Variants in CHPT1 observed in about 807,000 individuals in gnomAD.
The protein encoded by CHPT1 is choline phosphotransferase 1.
A neutral mutation model predicts 47.6 loss-of-function variants in CHPT1; 36 were observed. The ratio of observed to expected loss-of-function variants is 0.76; its 90% CI spans 0.58 to 1.00. CHPT1 has a LOEUF of 1.00. CHPT1 is among the 50% of genes least tolerant of loss of function. CHPT1 has a pLI of 0.00. For missense variants in CHPT1, 458 were observed against 498.1 expected, an observed-to-expected ratio of 0.92 and a Z score of 0.77; for synonymous variants, 194 against 186.3, an observed-to-expected ratio of 1.04 and a Z score of -0.33.
intron 4 of CHPT1, among the ~76,000 whole-genome samples, chr12:101,717,996 T>C (rs759964459): frequency 3.3e-5 from 5 of 152,172 alleles, no homozygotes; most frequent in Admixed American, 6.5e-5. Flanking sequence ...CCTTAAATGT[T>C]TGTTACTAAG....
At chr12:101,718,757 T>A (rs1035782904) in intron 4 of CHPT1, among the ~76,000 whole-genome samples, 3 of 151,962 alleles carry the variant, frequency 2.0e-5, no homozygotes, top group Non-Finnish European at 2.9e-5. Flanking sequence ...ACTTTGGGCA[T>A]GTTTTTAAGT....
At chr12:101,716,996 A>G (rs965320033) in intron 4 of CHPT1, among the ~76,000 whole-genome samples, 184 bp downstream of exon 4, 11 of 151,464 alleles carry the variant, frequency 7.3e-5, no homozygotes, top group African/African-American at 2.2e-4. Flanking sequence ...GTATTATCCT[A>G]TATACCTTAT....
rs533090379 is a variant in CHPT1 at position 101,699,829 on chromosome 12, G to A, written c.273+1695G>A. 4.6e-5 allele frequency among the ~76,000 whole-genome samples: 7 copies of A among 152,320 alleles called. No individual in the cohort carries two copies. In the South Asian group the frequency reaches 1.5e-3, roughly 32 times the overall value. The stretch of plus-strand genomic sequence containing the variant: ...AGAATTTACCAGAGGGAGTGTGTTA[G>A]AATGAAAGGATAGCTGGGTTGGAAG... On this transcript the variant is annotated intron_variant, in intron 1 of 8. Transcript: ENST00000229266.
chr12:101,702,197 T>TC (rs1275538430), intron 1 of CHPT1, among the ~76,000 whole-genome samples: 1 of 152,236 alleles, frequency 6.6e-6, no homozygotes, highest in Non-Finnish European at 1.5e-5. Context: ...TAGCAGTCTC[T>TC]CCTACTAACT....
chr12:101,728,888 T>C lies in CHPT1; in HGVS notation c.1177-13T>C. 1.2e-6 allele frequency: 2 copies of C among 1,612,710 alleles called. No individual in the cohort carries two copies. The highest frequency in any genetic ancestry group is 1.7e-6 in the Non-Finnish European group (2 of 1,179,136). ...CTTCTTAGCTAACGTTATAATTGTA[T>C]CATATTACTTAGGTTCAAGTTCTTT... is the stretch of plus-strand genomic sequence containing the variant. On this transcript the variant is annotated splice_polypyrimidine_tract_variant and intron_variant, in intron 8 of 8. Coordinates refer to ENST00000229266, the MANE Select transcript of CHPT1 (RefSeq NM_020244.3).
chr12:101,716,351 G>A (rs1042990496), intron 3 of CHPT1, among the ~76,000 whole-genome samples: 65 of 152,146 alleles, frequency 4.3e-4, no homozygotes, highest in African/African-American at 1.5e-3. Flanking sequence ...TAAATCATAT[G>A]GTTGTTTTTA....
At chr12:101,702,712 C>G (rs968903106) in intron 1 of CHPT1, among the ~76,000 whole-genome samples, 2 of 151,936 alleles carry the variant, frequency 1.3e-5, no homozygotes, top group Non-Finnish European at 2.9e-5. Flanking sequence ...TTTACTCCCA[C>G]TTTTTTTAAA....
chr12:101,728,874 AC>A, intron 8 of CHPT1, 26 bp from the exon 9 acceptor site: 1 of 1,611,218 alleles, frequency 6.2e-7, no homozygotes, highest in Non-Finnish European at 8.5e-7. Flanking sequence ...TTCTTAGCTA[AC>A]GTTATAATTG....
Position 101,700,598 on chromosome 12 carries a change from C to A in CHPT1, c.273+2464C>A, listed in dbSNP as rs146358777. On this transcript the variant is annotated intron_variant, in intron 1 of 8. Transcript: ENST00000229266. ...TTAAGTTCATAGAACTAGCAAATGA[C>A]TGGATCAGGTAGGATTCAGATCTAA... Among the ~76,000 whole-genome samples the A allele has an allele frequency of 2.1e-3, 318 of 152,260 alleles. 2 individuals carry two copies. The highest frequency in any genetic ancestry group is 6.9e-3 in the African/African-American group (287 of 41,530).
In CHPT1 at chr12:101,714,565, T is replaced by C; in HGVS notation, c.483T>C (p.Phe161=). The change falls in exon 3 of 9, where the codon TTT becomes TTC. Residue 161 remains phenylalanine (F), a synonymous_variant. Coordinates refer to ENST00000229266, the MANE Select transcript of CHPT1 (RefSeq NM_020244.3). ...ARLGTYPDWF[F]FCSFIGMFVF... Reference sequence around the variant, plus strand: ...TAGGAACTTATCCTGACTGGTTTTTTTTCTGCTCTTTTATTGGGATGTTTG... The same window carrying C: ...TAGGAACTTATCCTGACTGGTTTTTCTTCTGCTCTTTTATTGGGATGTTTG... The C allele has an allele frequency of 6.2e-7, 1 of 1,613,378 alleles. No individual in the cohort carries two copies. The highest frequency in any genetic ancestry group is 1.3e-5 in the African/African-American group (1 of 75,026).
chr12:101,714,382 A>C (rs951561864), intron 2 of CHPT1, 122 bp from the exon 3 acceptor site: 6 of 1,160,728 alleles, frequency 5.2e-6, no homozygotes, highest in Admixed American at 5.9e-5. Flanking sequence ...CATTTTGATA[A>C]GTGTACTTTA....
At chr12:101,699,539 C>T (rs957691815) in intron 1 of CHPT1, among the ~76,000 whole-genome samples, 2 of 151,988 alleles carry the variant, frequency 1.3e-5, no homozygotes, top group African/African-American at 4.8e-5. Flanking sequence ...ACGTGCCTGC[C>T]ACCACGCCCG....
chr12:101,725,629 A>C (rs10778145), intron 7 of CHPT1, among the ~76,000 whole-genome samples: 65,454 of 139,924 alleles, frequency 0.47, 14,629 homozygotes, highest in African/African-American at 0.59. Context: ...ATGACAAAAA[A>C]AAAAAAAAAA....
chr12:101,723,067 G>A, intron 5 of CHPT1, 101 bp from the exon 6 acceptor site: 2 of 1,065,158 alleles, frequency 1.9e-6, no homozygotes, highest in Non-Finnish European at 2.9e-6. Context: ...ACATCACACT[G>A]TTCTTTAGGC....
chr12:101,700,491 C>A (rs777839616), intron 1 of CHPT1, among the ~76,000 whole-genome samples: 1 of 152,122 alleles, frequency 6.6e-6, no homozygotes, highest in Admixed American at 6.5e-5. Context: ...GGAGGGGAAA[C>A]GCCATTACAG....
At chr12:101,702,112 T>G (rs1951561835) in intron 1 of CHPT1, among the ~76,000 whole-genome samples, 3 of 152,192 alleles carry the variant, frequency 2.0e-5, no homozygotes, top group African/African-American at 4.8e-5. Context: ...CCTTAGAGAT[T>G]ATTTAATGTA....
rs1034783975 is a variant in CHPT1, at chr12:101,723,864, A to C, written c.1065+17A>C. ...ATGGCAATGGTAAGTATTTTTCTCC[A>C]TTTTATTTATTTTTTAACAATGCTT... On this transcript the variant is annotated intron_variant, in intron 7 of 8. Transcript: ENST00000229266. 4 of 1,465,386 alleles carry C rather than the reference A, an allele frequency of 2.7e-6. No individual in the cohort carries two copies. In the Admixed American group the frequency reaches 7.3e-5, roughly 27 times the overall value. 90.8% of individuals were successfully genotyped at this position (1,465,386 alleles called of 1,614,324 possible). A position where few individuals can be genotyped will look rare whatever the true frequency, so the allele number is the denominator to read the frequency against.
intron 5 of CHPT1, among the ~76,000 whole-genome samples, chr12:101,721,823 G>A (rs1951855546): frequency 6.6e-6 from 1 of 152,102 alleles, no homozygotes; most frequent in Non-Finnish European, 1.5e-5. Flanking sequence ...CACTTTGGGA[G>A]GCCGAGGCGG....
intron 7 of CHPT1, 58 bp downstream of exon 7, chr12:101,723,905 G>C (rs1422573214): frequency 7.8e-7 from 1 of 1,275,724 alleles, no homozygotes; most frequent in Non-Finnish European, 1.1e-6. Flanking sequence ...CTATTTCAGT[G>C]AGCTATCAGT....
Sources: allele counts gnomAD v4.1 joint callset (sites outside exome capture counted in the v4.1 genomes callset), GRCh38; gene constraint gnomAD v4.1.1; transcripts MANE v1.5; gene names NCBI Gene and HGNC (gene_info 2026-07-23, HGNC 2026-07-21).